The following FER1L6 variants were observed in gnomAD, a reference collection of about 807,000 sequenced individuals.
FER1L6 encodes fer-1-like protein 6.
A neutral mutation model predicts 219.2 loss-of-function variants in FER1L6; 177 were observed. The observed-to-expected ratio is 0.81, with a 90% CI of 0.71 to 0.91. FER1L6 has a LOEUF of 0.91. FER1L6 is among the 40% of genes least tolerant of loss of function. The pLI, the probability that FER1L6 is intolerant of heterozygous loss-of-function variation, is 0.00. For synonymous variants in FER1L6, 768 were observed against 824.3 expected, an observed-to-expected ratio of 0.93 and a Z score of 1.17; for missense variants, 2,153 against 2,259.9, an observed-to-expected ratio of 0.95 and a Z score of 0.96.
Position 124,064,467 on chromosome 8 carries a change from C to T in FER1L6, c.3449C>T (p.Ala1150Val). ...CCTCCCACAGTGGTGCCCGACTCTGCCCAGGCCCAGCCGGCCATCCTGGTT... is the reference window on the plus strand; with the variant it reads ...CCTCCCACAGTGGTGCCCGACTCTGTCCAGGCCCAGCCGGCCATCCTGGTT... ...EPPPTVVPDS[A>V]QAQPAILVDV... Residue 1150 changes from alanine (A) to valine (V), a missense_variant, in exon 26 of 41, where the codon GCC becomes GTC. Physicochemically the swap from Ala to Val is moderately conservative, Grantham distance 64 (BLOSUM62 0). Coordinates refer to ENST00000522917, the MANE Select transcript of FER1L6 (RefSeq NM_001039112.2). 1 of 1,614,040 alleles carries T rather than the reference C, an allele frequency of 6.2e-7. No individual in the cohort carries two copies. The highest frequency in any genetic ancestry group is 8.5e-7 in the Non-Finnish European group (1 of 1,179,962).
chr8:124,010,164 T>C (rs1215601835), intron 13 of FER1L6, among the ~76,000 whole-genome samples: 2 of 149,022 alleles, frequency 1.3e-5, no homozygotes, highest in African/African-American at 2.5e-5. Context: ...AGGAGCAATG[T>C]CGTTGTAGTT....
chr8:123,899,907 T>TCATCCA (rs1419049246), intron 1 of FER1L6, among the ~76,000 whole-genome samples: 2 of 152,184 alleles, frequency 1.3e-5, no homozygotes, highest in Admixed American at 1.3e-4. Context: ...GGCCTTATAG[T>TCATCCA]ATAGTTTGGA....
At chr8:123,889,930 G>C (rs1812609549) in intron 1 of FER1L6, among the ~76,000 whole-genome samples, 1 of 151,978 alleles carries the variant, frequency 6.6e-6, no homozygotes, top group Non-Finnish European at 1.5e-5. Flanking sequence ...GTCTATCCTT[G>C]TGCACATTCA....
chr8:124,119,786 C>G lies in FER1L6; in HGVS notation c.5570C>G (p.Ser1857Ter), dbSNP rs566156009. 1 of 1,613,668 alleles carries G rather than the reference C, an allele frequency of 6.2e-7. No homozygotes were observed. The highest frequency in any genetic ancestry group is 1.3e-5 in the African/African-American group (1 of 75,018). ...GAISRRIVVG[S>*] ...ATCAGCCGAAGGATCGTTGTGGGCT[C>G]ATAGAGGATCATGGAGGACCCAGAT... Residue 1857 changes from serine to a stop codon, truncating the protein, a stop_gained, in exon 41 of 41, where the codon TCA becomes TGA. Coordinates refer to ENST00000522917, the MANE Select transcript of FER1L6 (RefSeq NM_001039112.2). LOFTEE classifies it high-confidence loss of function.
At chr8:124,102,570 A>T (rs138748773) in intron 38 of FER1L6, among the ~76,000 whole-genome samples, 9 of 152,348 alleles carry the variant, frequency 5.9e-5, no homozygotes, top group Non-Finnish European at 1.3e-4. Flanking sequence ...GTTAATTTAT[A>T]ATAGGAAAAA....
At chr8:124,043,408 C>T (rs1819590402) in intron 20 of FER1L6, among the ~76,000 whole-genome samples, 1 of 152,200 alleles carries the variant, frequency 6.6e-6, no homozygotes, top group Non-Finnish European at 1.5e-5. Flanking sequence ...CTGGCTCCAT[C>T]ATCAAAATGT....
rs780070093 is a variant in FER1L6, at chr8:123,980,598, A to G, written c.1197A>G (p.Val399=). The G allele has an allele frequency of 6.2e-7, 1 of 1,614,028 alleles. No homozygotes were observed. Among genetic ancestry groups the G allele is most frequent in the Non-Finnish European group, 8.5e-7 (1 of 1,180,020 alleles). ...TGTCATTCAGGGGCAGAATCTTGGT[A>G]GAAATTGCTGTGGAAATCCTCTCAG... ...EGVSFRGRIL[V]EIAVEILSGR... Residue 399 remains valine, a synonymous_variant, in exon 11 of 41, where the codon GTA becomes GTG. Coordinates refer to ENST00000522917, the MANE Select transcript of FER1L6 (RefSeq NM_001039112.2).
intron 5 of FER1L6, among the ~76,000 whole-genome samples, chr8:123,969,628 A>C (rs1815704971): frequency 6.6e-6 from 1 of 152,134 alleles, no homozygotes; most frequent in African/African-American, 2.4e-5. Context: ...TATCCTATGC[A>C]AGAATGTGAT....
chr8:124,042,038 T>C (rs1410783911), intron 20 of FER1L6, among the ~76,000 whole-genome samples: 2 of 152,158 alleles, frequency 1.3e-5, no homozygotes, highest in Non-Finnish European at 2.9e-5. Flanking sequence ...GAGGCTTCCT[T>C]CCTACAGCAA....
At chr8:124,054,669 T>C (rs1294859131) in intron 22 of FER1L6, among the ~76,000 whole-genome samples, 1 of 152,150 alleles carries the variant, frequency 6.6e-6, no homozygotes, top group African/African-American at 2.4e-5. Flanking sequence ...AAAGAGCCTT[T>C]AGATGCGGAG....
At chr8:124,061,180 T>A (rs1321522053) in intron 24 of FER1L6, among the ~76,000 whole-genome samples, 1 of 152,254 alleles carries the variant, frequency 6.6e-6, no homozygotes, top group East Asian at 1.9e-4. Flanking sequence ...GTATTTGTAC[T>A]TAGAATGTCA....
At position 123,990,729 on chromosome 8, in the gene FER1L6, C is replaced by T. The variant is rs111326774; in HGVS notation, c.1519+4553C>T. On this transcript the variant is annotated intron_variant, in intron 12 of 40. Coordinates refer to ENST00000522917, the MANE Select transcript of FER1L6 (RefSeq NM_001039112.2). Reference sequence around the variant, plus strand: ...GGAAGCTTTTTAGTTTAATTAGGTCCCACTTATTTATGTTGGTTTTTGTTG... The same window carrying T: ...GGAAGCTTTTTAGTTTAATTAGGTCTCACTTATTTATGTTGGTTTTTGTTG... Among the ~76,000 whole-genome samples the T allele has an allele frequency of 7.2e-5, 11 of 152,132 alleles. 1 individual carries two copies. The highest frequency in any genetic ancestry group is 2.4e-4 in the African/African-American group (10 of 41,506).
rs115711056 is a variant in FER1L6, at chr8:123,939,049, A to G, written c.-7-16943A>G. ...CATTGCACATTCATCTGAGCATAGC[A>G]AGGGAAGAAAATATCAAACCCTTAG... On this transcript the variant is annotated intron_variant, in intron 1 of 40. Transcript: ENST00000522917. 1,059 of 535,642 alleles carry G rather than the reference A, an allele frequency of 2.0e-3. 18 individuals are homozygous for G. In the African/African-American group the frequency reaches 0.02, roughly 10 times the overall value. The allele number at this position is 535,642 out of a possible 1,614,324, so 33.2% of individuals were successfully genotyped here. A position where few individuals can be genotyped will look rare whatever the true frequency, so the allele number is the denominator to read the frequency against.
intron 1 of FER1L6, among the ~76,000 whole-genome samples, chr8:123,925,507 G>A (rs555726852): frequency 1.3e-5 from 2 of 152,150 alleles, no homozygotes; most frequent in Non-Finnish European, 2.9e-5. Flanking sequence ...GCTAGGAAAG[G>A]CAATTTTGTA....
chr8:124,021,624 C>A lies in FER1L6; in HGVS notation c.2088C>A (p.His696Gln). The change falls in exon 17 of 41, where the codon CAC (histidine) becomes CAA (glutamine). Residue 696 changes from histidine to glutamine, a missense_variant. Transcript: ENST00000522917. Reference protein sequence around the residue: ...KKKLSVDEMIHEAQNFVEKIR... With the variant: ...KKKLSVDEMIQEAQNFVEKIR... ...AGTTATCTGTTGATGAAATGATTCA[C>A]GAAGCCCAAAACTTTGTGGAAAAAA... 6.2e-7 allele frequency: 1 copy of A among 1,614,004 alleles called. No homozygotes were observed. Among genetic ancestry groups the A allele is most frequent in the South Asian group, 1.1e-5 (1 of 91,068 alleles).
intron 9 of FER1L6, among the ~76,000 whole-genome samples, 178 bp from the exon 10 acceptor site, chr8:123,977,239 G>C (rs931408962): frequency 6.6e-6 from 1 of 152,232 alleles, no homozygotes; most frequent in African/African-American, 2.4e-5. Context: ...TACCTGGCAC[G>C]GTGTCCAGCA....
At chr8:123,962,416 A>G (rs1815330254) in intron 2 of FER1L6, among the ~76,000 whole-genome samples, 1 of 152,086 alleles carries the variant, frequency 6.6e-6, no homozygotes, top group African/African-American at 2.4e-5. Context: ...TTTTAAGTAT[A>G]GGAGTGCATG....
intron 1 of FER1L6, among the ~76,000 whole-genome samples, chr8:123,941,064 C>G (rs1814221142): frequency 6.6e-6 from 1 of 152,018 alleles, no homozygotes; most frequent in Non-Finnish European, 1.5e-5. Context: ...TGGTGTGAAC[C>G]TAGGAATGAA....
At chr8:124,027,228 A>C (rs1398111811) in intron 18 of FER1L6, among the ~76,000 whole-genome samples, 3 of 152,190 alleles carry the variant, frequency 2.0e-5, no homozygotes, top group Admixed American at 2.0e-4. Context: ...TCAACATAAA[A>C]ATTTTGTGGG....
Sources: allele counts gnomAD v4.1 joint callset (sites outside exome capture counted in the v4.1 genomes callset), GRCh38; gene constraint gnomAD v4.1.1; transcripts MANE v1.5; gene names NCBI Gene and HGNC (gene_info 2026-07-23, HGNC 2026-07-21).